WWOX: variants seen among roughly 807,000 people sequenced by gnomAD.
The protein encoded by WWOX is WW domain containing oxidoreductase.
Under a neutral mutation model 46.2 loss-of-function variants are expected in WWOX, and 69 were observed. That is an observed-to-expected ratio of 1.49 (90% CI 1.23 to 1.82). The LOEUF (loss-of-function observed/expected upper bound fraction) is 1.82. Among genes scored for constraint, WWOX ranks in the 40% most tolerant of loss-of-function variants. The pLI is 0.00. For synonymous variants in WWOX, 359 were observed against 202.6 expected, an observed-to-expected ratio of 1.77 and a Z score of -6.56; for missense variants, 919 against 542.6, an observed-to-expected ratio of 1.69 and a Z score of -6.89.
At chr16:78,777,525 C>G (rs1194527123) in intron 8 of WWOX, among the ~76,000 whole-genome samples, 1 of 151,964 alleles carries the variant, frequency 6.6e-6, no homozygotes, top group African/African-American at 2.4e-5. Flanking sequence ...CTAAGAGGCC[C>G]CTGGTCCTAC....
intron 8 of WWOX, among the ~76,000 whole-genome samples, chr16:79,083,170 G>T (rs978146273): frequency 2.6e-5 from 4 of 152,100 alleles, no homozygotes; most frequent in African/African-American, 9.7e-5. Context: ...CTAACACTGC[G>T]GTTCCCCTAC....
intron 8 of WWOX, among the ~76,000 whole-genome samples, chr16:78,958,254 T>C (rs1434794133): frequency 1.3e-5 from 2 of 152,208 alleles, no homozygotes; most frequent in African/African-American, 4.8e-5. Context: ...ATTGAAATGG[T>C]CCTTTTAATG....
At chr16:78,191,726 C>G (rs1484431948) in intron 5 of WWOX, among the ~76,000 whole-genome samples, 1 of 152,036 alleles carries the variant, frequency 6.6e-6, no homozygotes, top group East Asian at 1.9e-4. Context: ...GGAAGAGATT[C>G]TTATCTGAGA....
chr16:78,945,617 G>A (rs369250160), intron 8 of WWOX, among the ~76,000 whole-genome samples: 4 of 151,762 alleles, frequency 2.6e-5, no homozygotes, highest in Admixed American at 2.0e-4. Context: ...TTCGCTGCTT[G>A]ATCTGACTAC....
intron 8 of WWOX, among the ~76,000 whole-genome samples, chr16:78,999,138 GCTT>G (rs1322251095): frequency 3.3e-5 from 5 of 151,330 alleles, no homozygotes; most frequent in Middle Eastern, 6.8e-3. Flanking sequence ...AGTGGCTGAT[GCTT>G]CTTCTTTTTT....
intron 8 of WWOX, among the ~76,000 whole-genome samples, chr16:79,141,226 C>T (rs1193372648): frequency 6.6e-6 from 1 of 152,268 alleles, no homozygotes; most frequent in South Asian, 2.1e-4. Flanking sequence ...CCTGGAAGCC[C>T]CCTCCTCATT....
chr16:78,311,338 C>G (rs550830101), intron 5 of WWOX, among the ~76,000 whole-genome samples: 2 of 152,224 alleles, frequency 1.3e-5, no homozygotes, highest in East Asian at 3.9e-4. Context: ...GAACACTTAA[C>G]AGAGTCAAGC....
At chr16:78,185,125 C>G (rs957626129) in intron 5 of WWOX, among the ~76,000 whole-genome samples, 1 of 152,118 alleles carries the variant, frequency 6.6e-6, no homozygotes. Context: ...AGTCTCAGGG[C>G]CAAGGAGTGG....
chr16:78,753,562 G>A lies in WWOX; in HGVS notation c.1056+320810G>A, dbSNP rs183941816. ...TGCCTGTAATCCCATCACATTGGGA[G>A]GCCAAGGCAGGTAGTTTGCTTGAGC... is the stretch of plus-strand genomic sequence containing the variant. On this transcript the variant is annotated intron_variant, in intron 8 of 8. Coordinates refer to ENST00000566780, the MANE Select transcript of WWOX (RefSeq NM_016373.4). Among the ~76,000 whole-genome samples the A allele has an allele frequency of 1.7e-3, 263 of 151,886 alleles. 1 individual carries two copies. Among genetic ancestry groups the A allele is most frequent in the African/African-American group, 6.2e-3 (256 of 41,460 alleles).
intron 1 of WWOX, among the ~76,000 whole-genome samples, chr16:78,100,641 G>T (rs866824760): frequency 6.6e-6 from 1 of 152,208 alleles, no homozygotes; most frequent in Non-Finnish European, 1.5e-5. Context: ...ATCTTTAACT[G>T]TGTGACCTTG....
At chr16:78,975,053 T>C (rs1422055871) in intron 8 of WWOX, among the ~76,000 whole-genome samples, 2 of 152,220 alleles carry the variant, frequency 1.3e-5, no homozygotes, top group East Asian at 1.9e-4. Context: ...TTCACTATTG[T>C]CAAGGCTGGG....
intron 8 of WWOX, among the ~76,000 whole-genome samples, chr16:79,092,349 AG>A (rs1253473110): frequency 2.0e-5 from 3 of 152,214 alleles, no homozygotes; most frequent in Non-Finnish European, 2.9e-5. Context: ...AAAACAGGGC[AG>A]TAAAATGGCA....
chr16:79,127,482 A>C (rs1022522776), intron 8 of WWOX, among the ~76,000 whole-genome samples: 1 of 152,162 alleles, frequency 6.6e-6, no homozygotes, highest in South Asian at 2.1e-4. Context: ...CACTGTGTGG[A>C]TGTTTCATAA....
chr16:79,008,492 C>G (rs1021742245), intron 8 of WWOX, among the ~76,000 whole-genome samples: 1 of 152,174 alleles, frequency 6.6e-6, no homozygotes, highest in Admixed American at 6.5e-5. Context: ...GCCGCCCACA[C>G]TCAAGAGAGG....
At chr16:78,397,879 A>AGG (rs2151941964) in intron 6 of WWOX, among the ~76,000 whole-genome samples, 1 of 152,344 alleles carries the variant, frequency 6.6e-6, no homozygotes, top group South Asian at 2.1e-4. Context: ...ATATGTGTAA[A>AGG]GGAGGTTAAA....
At chr16:79,180,337 A>G (rs2050885639) in intron 8 of WWOX, among the ~76,000 whole-genome samples, 1 of 152,242 alleles carries the variant, frequency 6.6e-6, no homozygotes. Flanking sequence ...TTAGTTGTGT[A>G]CTGAATGGAT....
chr16:78,867,551 T>C (rs953441603), intron 8 of WWOX, among the ~76,000 whole-genome samples: 1 of 151,602 alleles, frequency 6.6e-6, no homozygotes, highest in East Asian at 1.9e-4. Context: ...GTGTTTTTGT[T>C]TTTTTTTAAG....
At chr16:79,012,448 G>C (rs909841034) in intron 8 of WWOX, among the ~76,000 whole-genome samples, 2 of 152,106 alleles carry the variant, frequency 1.3e-5, no homozygotes, top group African/African-American at 4.8e-5. Context: ...GGCCAGGCTG[G>C]TCTCGAACTC....
intron 8 of WWOX, among the ~76,000 whole-genome samples, chr16:78,817,671 C>G (rs1483002129): frequency 1.3e-5 from 2 of 152,136 alleles, no homozygotes; most frequent in Non-Finnish European, 2.9e-5. Flanking sequence ...GGGGATGAGT[C>G]TTTGTGTGGT....
Sources: allele counts gnomAD v4.1 joint callset (sites outside exome capture counted in the v4.1 genomes callset), GRCh38; gene constraint gnomAD v4.1.1; transcripts MANE v1.5; gene names NCBI Gene and HGNC (gene_info 2026-07-23, HGNC 2026-07-21).